Variants in FSHR observed in about 807,000 individuals in gnomAD.
FSHR encodes follicle stimulating hormone receptor.
Under a neutral mutation model 52.1 loss-of-function variants are expected in FSHR, and 46 were observed. The observed-to-expected ratio is 0.88, with a 90% CI of 0.70 to 1.13. The LOEUF (loss-of-function observed/expected upper bound fraction) is 1.13, where lower values mean the gene tolerates loss of function less well. FSHR is among the 50% of genes most tolerant of loss of function. The probability of loss-of-function intolerance (pLI) is 0.00; values close to 1 mark genes in which losing one functional copy is unlikely to be tolerated. For missense variants in FSHR, 964 were observed against 834.6 expected (o/e 1.16, Z -1.91); for synonymous variants, 399 against 309.6 (o/e 1.29, Z -3.03).
At chr2:49,010,925 C>T (rs1667245782) in intron 4 of FSHR, among the ~76,000 whole-genome samples, 1 of 151,960 alleles carries the variant, frequency 6.6e-6, no homozygotes, top group African/African-American at 2.4e-5. Flanking sequence ...CTCTTTTCTT[C>T]TTTATTAGTC....
chr2:49,097,829 G>C (rs965952717), intron 1 of FSHR, among the ~76,000 whole-genome samples: 2 of 152,210 alleles, frequency 1.3e-5, no homozygotes, highest in Admixed American at 1.3e-4. Context: ...CTAAGTTAGT[G>C]TTTTGTTGTT....
intron 2 of FSHR, among the ~76,000 whole-genome samples, chr2:49,056,329 G>A (rs1669061030): frequency 6.6e-6 from 1 of 151,198 alleles, no homozygotes; most frequent in Non-Finnish European, 1.5e-5. Context: ...AAGTGAGCAG[G>A]AATAGCTATA....
Position 48,968,886 on chromosome 2 carries a change from A to G in FSHR, c.669-3T>C, listed in dbSNP as rs377301289. On this transcript the variant is annotated splice_region_variant and splice_polypyrimidine_tract_variant and intron_variant, in intron 8 of 9. Coordinates refer to ENST00000406846, the MANE Select transcript of FSHR (RefSeq NM_000145.4). ...GGATCCTTGTTCTTGAAATATCTCTATAAAGAGAAAAGGTAAATATAACAG... is the reference window on the plus strand; with the variant it reads ...GGATCCTTGTTCTTGAAATATCTCTGTAAAGAGAAAAGGTAAATATAACAG... The G allele has an allele frequency of 1.2e-5, 20 of 1,612,538 alleles. No individual in the cohort carries two copies. The highest frequency in any genetic ancestry group is 1.6e-5 in the Non-Finnish European group (19 of 1,179,510).
chr2:48,973,325 G>A (rs1408547594), intron 8 of FSHR, among the ~76,000 whole-genome samples: 1 of 148,448 alleles, frequency 6.7e-6, no homozygotes. Flanking sequence ...ACACAGATGT[G>A]TGAGGCACAT....
intron 2 of FSHR, 45 bp from the exon 3 acceptor site, chr2:49,020,205 C>G: frequency 2.0e-6 from 3 of 1,473,894 alleles, no homozygotes; most frequent in African/African-American, 1.4e-5. Flanking sequence ...CAGTTACACT[C>G]CTTGAATATT....
chr2:49,113,483 C>T (rs574863384), intron 1 of FSHR, among the ~76,000 whole-genome samples: 58 of 152,296 alleles, frequency 3.8e-4, no homozygotes, highest in African/African-American at 1.4e-3. Context: ...TGTGCATTTG[C>T]ACAGTCAAGA....
chr2:49,029,667 G>T (rs1472562958), intron 2 of FSHR, among the ~76,000 whole-genome samples: 1 of 152,178 alleles, frequency 6.6e-6, no homozygotes, highest in East Asian at 1.9e-4. Flanking sequence ...TAGGATAAAA[G>T]CACATAGTGT....
At chr2:49,006,049 C>T (rs1055601961) in intron 4 of FSHR, among the ~76,000 whole-genome samples, 2 of 152,094 alleles carry the variant, frequency 1.3e-5, no homozygotes, top group Non-Finnish European at 2.9e-5. Flanking sequence ...CTGGATACTT[C>T]CTGTCCTTGA....
chr2:49,076,031 A>C (rs1368198974), intron 1 of FSHR, among the ~76,000 whole-genome samples: 1 of 152,228 alleles, frequency 6.6e-6, no homozygotes, highest in Admixed American at 6.5e-5. Context: ...AGAAAAGTGA[A>C]TAGACCTATA....
chr2:49,021,876 TATATATATATAG>T (rs1667725621), intron 2 of FSHR, among the ~76,000 whole-genome samples: 2 of 65,178 alleles, frequency 3.1e-5, no homozygotes, highest in South Asian at 6.9e-4. Context: ...TATATATATA[TATATATATATAG>T]AGAGAGAGAG....
chr2:49,154,024 T>A (rs1254724494), intron 1 of FSHR, among the ~76,000 whole-genome samples: 1 of 152,154 alleles, frequency 6.6e-6, no homozygotes, highest in African/African-American at 2.4e-5. Context: ...CCCTTTGCCT[T>A]TGGATTCCGG....
chr2:49,154,313 G>A lies in FSHR; in HGVS notation c.105C>T (p.Ser35=). Residue 35 remains serine, a synonymous_variant, in exon 1 of 10, where the codon AGC becomes AGT. Coordinates refer to ENST00000406846, the MANE Select transcript of FSHR (RefSeq NM_000145.4). Reference sequence around the variant, plus strand: ...GGTCAGAAGGAATCTCTGTCACCTTGCTCTCTTGGCAGAGAAAAACCCTGT... The same window carrying A: ...GGTCAGAAGGAATCTCTGTCACCTTACTCTCTTGGCAGAGAAAAACCCTGT... ...CSNRVFLCQE[S]KVTEIPSDLP... is the part of the protein sequence containing the mutation. The A allele has an allele frequency of 6.2e-7, 1 of 1,613,778 alleles. No individual in the cohort carries two copies. The highest frequency in any genetic ancestry group is 8.5e-7 in the Non-Finnish European group (1 of 1,179,834).
intron 6 of FSHR, among the ~76,000 whole-genome samples, chr2:48,986,307 C>CCCAGAA: frequency 6.7e-6 from 1 of 149,906 alleles, no homozygotes; most frequent in South Asian, 2.1e-4. Context: ...TGATCTTGTT[C>CCCAGAA]TTTTTTATAG....
chr2:48,971,846 T>C (rs551580343), intron 8 of FSHR, among the ~76,000 whole-genome samples: 75 of 152,340 alleles, frequency 4.9e-4, no homozygotes, highest in African/African-American at 1.8e-3. Context: ...AATTGTCTCC[T>C]AGCTCGCTGA....
chr2:49,067,963 C>T (rs566763365), intron 2 of FSHR, among the ~76,000 whole-genome samples: 71 of 151,730 alleles, frequency 4.7e-4, no homozygotes, highest in African/African-American at 1.7e-3. Flanking sequence ...CACCGGTACT[C>T]TGGGAGCAAC....
intron 1 of FSHR, among the ~76,000 whole-genome samples, chr2:49,099,832 CTAAGTTTAG>C (rs1670962009): frequency 6.6e-6 from 1 of 152,086 alleles, no homozygotes; most frequent in African/African-American, 2.4e-5. Context: ...TATGCTAACC[CTAAGTTTAG>C]CGTTCTAACC....
chr2:49,016,928 C>G (rs1045432669), intron 4 of FSHR, among the ~76,000 whole-genome samples: 3 of 152,166 alleles, frequency 2.0e-5, no homozygotes, highest in East Asian at 1.9e-4. Context: ...ACTCATGGCT[C>G]TGTCAAGCCC....
chr2:49,070,942 C>A (rs1194960291), intron 1 of FSHR, among the ~76,000 whole-genome samples: 1 of 152,014 alleles, frequency 6.6e-6, no homozygotes, highest in Non-Finnish European at 1.5e-5. Context: ...CAGATGGAAC[C>A]CTGAGCAGTG....
At chr2:48,998,237 A>ATT (rs1676110970) in intron 4 of FSHR, among the ~76,000 whole-genome samples, 1 of 151,960 alleles carries the variant, frequency 6.6e-6, no homozygotes, top group South Asian at 2.1e-4. Flanking sequence ...GACATACTTG[A>ATT]TTTGTCTTTT....
Sources: allele counts gnomAD v4.1 joint callset (sites outside exome capture counted in the v4.1 genomes callset), GRCh38; gene constraint gnomAD v4.1.1; transcripts MANE v1.5; gene names NCBI Gene and HGNC (gene_info 2026-07-23, HGNC 2026-07-21).